The following CTNNA3 variants were observed in gnomAD, a reference collection of about 807,000 sequenced individuals.
CTNNA3 encodes catenin alpha 3, also known as catenin alpha-3.
Under a neutral mutation model 95.7 loss-of-function variants are expected in CTNNA3, and 76 were observed. That is an observed-to-expected ratio of 0.79 (90% CI 0.66 to 0.96). CTNNA3 has a LOEUF of 0.96. Among genes scored for constraint, CTNNA3 ranks in the 40% least tolerant of loss-of-function variants. CTNNA3 has a pLI of 0.00. For missense variants in CTNNA3, 1,191 were observed against 1,089.8 expected (o/e 1.09, Z -1.31); for synonymous variants, 431 against 374.4 (o/e 1.15, Z -1.74).
At chr10:66,819,346 G>A (rs772383931) in intron 7 of CTNNA3, among the ~76,000 whole-genome samples, 6 of 151,830 alleles carry the variant, frequency 4.0e-5, no homozygotes, top group Non-Finnish European at 5.9e-5. Context: ...AACTTAAAAC[G>A]AATCAAAGAT....
intron 5 of CTNNA3, among the ~76,000 whole-genome samples, chr10:67,256,789 C>G (rs764240624): frequency 6.6e-6 from 1 of 152,024 alleles, no homozygotes; most frequent in Admixed American, 6.6e-5. Flanking sequence ...AGGGAGGTAG[C>G]ACAGCAATAC....
At chr10:67,148,469 A>G (rs566968008) in intron 7 of CTNNA3, among the ~76,000 whole-genome samples, 32 of 152,288 alleles carry the variant, frequency 2.1e-4, no homozygotes, top group African/African-American at 6.5e-4. Context: ...TGGAAGTATG[A>G]GTTTCTCTTT....
chr10:67,331,794 T>TA (rs1313167173), intron 5 of CTNNA3, among the ~76,000 whole-genome samples: 1 of 152,240 alleles, frequency 6.6e-6, no homozygotes, highest in East Asian at 1.9e-4. Context: ...TTTTAGGCTT[T>TA]ATCACTAAAA....
At chr10:66,326,009 C>T (rs1425977854) in intron 12 of CTNNA3, among the ~76,000 whole-genome samples, 1 of 152,116 alleles carries the variant, frequency 6.6e-6, no homozygotes, top group African/African-American at 2.4e-5. Context: ...TTTTAAAAGC[C>T]TGCATTGTTT....
chr10:66,658,293 GCTAGATTGGATACT>G (rs1846140042), intron 9 of CTNNA3, among the ~76,000 whole-genome samples: 2 of 151,636 alleles, frequency 1.3e-5, no homozygotes, highest in South Asian at 4.2e-4. Flanking sequence ...AAAATGAAGA[GCTAGATTGGATACT>G]CTCTAAAATC....
At chr10:67,387,871 T>A (rs371332965) in intron 5 of CTNNA3, among the ~76,000 whole-genome samples, 5 of 152,124 alleles carry the variant, frequency 3.3e-5, no homozygotes, top group African/African-American at 1.2e-4. Flanking sequence ...AAGGAAAACT[T>A]ACAAACAGAA....
chr10:66,848,407 T>C (rs1843357986), intron 7 of CTNNA3, among the ~76,000 whole-genome samples: 1 of 152,130 alleles, frequency 6.6e-6, no homozygotes, highest in Non-Finnish European at 1.5e-5. Flanking sequence ...CTCCCACTTG[T>C]CTGACAGTGA....
intron 10 of CTNNA3, among the ~76,000 whole-genome samples, chr10:66,570,554 T>G (rs1842840357): frequency 6.6e-6 from 1 of 152,214 alleles, no homozygotes; most frequent in East Asian, 1.9e-4. Context: ...CCCAAGGTGC[T>G]GGGATTACAG....
intron 7 of CTNNA3, among the ~76,000 whole-genome samples, chr10:67,025,688 A>G (rs1853327052): frequency 6.6e-6 from 1 of 152,134 alleles, no homozygotes; most frequent in Non-Finnish European, 1.5e-5. Context: ...ATCATTACAC[A>G]ACAACAACAA....
At chr10:66,254,885 C>T (rs571210710) in intron 13 of CTNNA3, among the ~76,000 whole-genome samples, 42 of 152,290 alleles carry the variant, frequency 2.8e-4, no homozygotes, top group African/African-American at 8.7e-4. Flanking sequence ...TTTGAATTAC[C>T]AGTGAACCAG....
intron 14 of CTNNA3, among the ~76,000 whole-genome samples, chr10:66,100,583 G>C (rs1463687769): frequency 6.6e-6 from 1 of 152,102 alleles, no homozygotes; most frequent in Non-Finnish European, 1.5e-5. Flanking sequence ...GTACGCAGCA[G>C]AACACTAATG....
At chr10:67,589,529 A>G (rs1460881982) in intron 3 of CTNNA3, among the ~76,000 whole-genome samples, 1 of 152,084 alleles carries the variant, frequency 6.6e-6, no homozygotes, top group East Asian at 1.9e-4. Flanking sequence ...ATACTGACTA[A>G]TCACTTCCTT....
chr10:65,948,416 A>T (rs974847996), intron 17 of CTNNA3, among the ~76,000 whole-genome samples: 2 of 152,188 alleles, frequency 1.3e-5, no homozygotes, highest in African/African-American at 4.8e-5. Flanking sequence ...CACTTTTTAA[A>T]AAACACTGAA....
intron 11 of CTNNA3, among the ~76,000 whole-genome samples, chr10:66,386,019 C>T (rs2092887752): frequency 6.6e-6 from 1 of 152,136 alleles, no homozygotes; most frequent in Non-Finnish European, 1.5e-5. Flanking sequence ...GAAGCATTCC[C>T]TTTGGAAACT....
At chr10:66,023,101 C>T (rs1254739528) in intron 15 of CTNNA3, among the ~76,000 whole-genome samples, 2 of 152,148 alleles carry the variant, frequency 1.3e-5, no homozygotes, top group African/African-American at 2.4e-5. Flanking sequence ...TTTAAACCAA[C>T]CATCTCTAGT....
Position 66,927,101 on chromosome 10 carries a change from G to T in CTNNA3, c.1048-151577C>A. ...GAGATACCCTCAAGTATATCTGCTGGTTGCTTAGGTTTGTCCCTTCGCTAT... is the reference window on the plus strand; with the variant it reads ...GAGATACCCTCAAGTATATCTGCTGTTTGCTTAGGTTTGTCCCTTCGCTAT... On this transcript the variant is annotated intron_variant, in intron 7 of 17. Coordinates refer to ENST00000433211, the MANE Select transcript of CTNNA3 (RefSeq NM_013266.4). The surrounding 1 kb of genome is among the most constrained non-coding windows in gnomAD (Gnocchi z 4.7). 6.2e-7 allele frequency: 1 copy of T among 1,614,104 alleles called. No homozygotes were observed. Among genetic ancestry groups the T allele is most frequent in the South Asian group, 1.1e-5 (1 of 91,078 alleles).
rs1050300354 is a variant in CTNNA3 at position 66,302,284 on chromosome 10, T to C, written c.1733-21663A>G. On this transcript the variant is annotated intron_variant, in intron 12 of 17. Transcript: ENST00000433211. Reference sequence around the variant, plus strand: ...AAGTTAATATTTAATACAATCCCTATCAAAATTCCAGCCAGGCATTTTGGG... The same window carrying C: ...AAGTTAATATTTAATACAATCCCTACCAAAATTCCAGCCAGGCATTTTGGG... Among the ~76,000 whole-genome samples, 4 of 151,988 alleles carry C rather than the reference T, an allele frequency of 2.6e-5. No individual in the cohort carries two copies. The South Asian group carries it at 6.2e-4, about 24-fold the overall frequency.
intron 9 of CTNNA3, among the ~76,000 whole-genome samples, chr10:66,720,840 G>A (rs994213036): frequency 6.6e-5 from 10 of 151,712 alleles, no homozygotes; most frequent in Admixed American, 5.3e-4. Context: ...CTCAAAAAAA[G>A]AAAAGAAAAG....
intron 5 of CTNNA3, among the ~76,000 whole-genome samples, chr10:67,360,515 T>A (rs1008291138): frequency 5.3e-5 from 8 of 151,478 alleles, no homozygotes; most frequent in Non-Finnish European, 1.2e-4. Flanking sequence ...TGGAGAAGCA[T>A]CTATGTATTA....
Sources: gnomAD v4.1 joint callset for allele counts (sites outside exome capture counted in the v4.1 genomes callset) on GRCh38, gnomAD v4.1.1 for gene constraint, Gnocchi (gnomAD v3.1) non-coding constraint, MANE v1.5 for transcripts, NCBI Gene and HGNC (gene_info 2026-07-23, HGNC 2026-07-21) for gene names.